Variants in ASXL1 observed in about 807,000 individuals in gnomAD.
ASXL1 encodes ASXL transcriptional regulator 1, also known as polycomb group protein ASXL1.
ASXL1 carries 65 observed loss-of-function variants against 89.1 expected under a neutral mutation model. The observed-to-expected ratio is 0.73, with a 90% CI of 0.60 to 0.90. The LOEUF is 0.90. ASXL1 is among the 40% of genes least tolerant of loss of function. ASXL1 has a pLI of 0.00. For missense variants in ASXL1, 1,786 were observed against 1,942.9 expected (o/e 0.92, Z 1.52); for synonymous variants, 739 against 746.9 (o/e 0.99, Z 0.17).
chr20:32,395,931 T>C (rs1048147566), intron 4 of ASXL1, among the ~76,000 whole-genome samples: 1 of 152,160 alleles, frequency 6.6e-6, no homozygotes. Flanking sequence ...CCCAAGTAGC[T>C]GTGATTACAG....
At chr20:32,367,077 TAAA>T (rs11478048) in intron 2 of ASXL1, among the ~76,000 whole-genome samples, 30 of 134,854 alleles carry the variant, frequency 2.2e-4, no homozygotes, top group African/African-American at 4.1e-4. Flanking sequence ...ACTTCAAACT[TAAA>T]AAAAAAAAAA....
chr20:32,397,321 C>T (rs1292542332), intron 4 of ASXL1, among the ~76,000 whole-genome samples: 12 of 113,220 alleles, frequency 1.1e-4, no homozygotes, highest in Admixed American at 7.6e-4. Flanking sequence ...AGTCTGGTCT[C>T]GAACTCTTGA....
In ASXL1 at chr20:32,433,329, G is replaced by A. The variant is rs1434107550; in HGVS notation, c.1131G>A (p.Gln377=). 2 of 1,614,114 alleles carry A rather than the reference G, an allele frequency of 1.2e-6. No individual in the cohort carries two copies. Among genetic ancestry groups the A allele is most frequent in the Admixed American group, 1.7e-5 (1 of 60,014 alleles). The change falls in exon 12 of 13, where the codon CAG becomes CAA. Residue 377 remains glutamine (Q), a synonymous_variant. Coordinates refer to ENST00000375687, the MANE Select transcript of ASXL1 (RefSeq NM_015338.6). ...AGTCATTGCAGCAGAACGTGGGCCA[G>A]GAGGAGGCTGAAATCAAAAGTGGCT... The part of the protein sequence containing the change: ...KEESLQQNVG[Q]EEAEIKSGLC...
chr20:32,396,360 T>G (rs1173599567), intron 4 of ASXL1, among the ~76,000 whole-genome samples: 1 of 152,214 alleles, frequency 6.6e-6, no homozygotes, highest in Non-Finnish European at 1.5e-5. Context: ...ATTTTTGAGA[T>G]TTGTTCTGGA....
At chr20:32,373,069 G>T (rs1235040860) in intron 4 of ASXL1, among the ~76,000 whole-genome samples, 1 of 148,788 alleles carries the variant, frequency 6.7e-6, no homozygotes, top group Non-Finnish European at 1.5e-5. Flanking sequence ...GAGCCACCTC[G>T]TGTGTCCTTG....
chr20:32,359,090 C>T (rs565829328), intron 1 of ASXL1: 2 of 593,302 alleles, frequency 3.4e-6, no homozygotes, highest in Non-Finnish European at 6.0e-6. Context: ...GGCGAGCTGG[C>T]AGGCCGGCTC....
At chr20:32,397,040 T>C (rs1424970596) in intron 4 of ASXL1, among the ~76,000 whole-genome samples, 1 of 149,764 alleles carries the variant, frequency 6.7e-6, no homozygotes, top group Admixed American at 6.6e-5. Context: ...TTTTTTTTTT[T>C]TCCCTGTATT....
In ASXL1 at chr20:32,369,096, T is replaced by G. The variant is rs1175499490; in HGVS notation, c.225T>G (p.Pro75=). ...RGGEGLFYKL[P]GRISLFTLKK... is the part of the protein sequence containing the mutation. ...GAGAGGGGTTGTTTTATAAACTGCC[T>G]GGCCGAATCAGCCTTTTCACGCTCA... is the stretch of plus-strand genomic sequence containing the variant. Residue 75 remains proline (P), a synonymous_variant, in exon 4 of 13, where the codon CCT becomes CCG. Coordinates refer to ENST00000375687, the MANE Select transcript of ASXL1 (RefSeq NM_015338.6). 8 of 1,613,588 alleles carry G rather than the reference T, an allele frequency of 5.0e-6. No homozygotes were observed. The highest frequency in any genetic ancestry group is 1.3e-5 in the African/African-American group (1 of 75,022).
intron 4 of ASXL1, chr20:32,372,097 A>G: frequency 7.5e-7 from 1 of 1,340,596 alleles, no homozygotes; most frequent in Non-Finnish European, 9.9e-7. Context: ...GGCTCTGGGC[A>G]GAATTCTTGG....
chr20:32,369,958 A>G (rs1261222520), intron 4 of ASXL1, among the ~76,000 whole-genome samples: 2 of 151,620 alleles, frequency 1.3e-5, no homozygotes, highest in Non-Finnish European at 2.9e-5. Flanking sequence ...TGACCTTGTG[A>G]TCCGTCCGCC....
At chr20:32,369,301 C>G (rs949300304) in intron 4 of ASXL1, among the ~76,000 whole-genome samples, 178 bp downstream of exon 4, 2 of 152,082 alleles carry the variant, frequency 1.3e-5, no homozygotes, top group African/African-American at 4.8e-5. Context: ...GGCTGGAGTG[C>G]AATGGGGCGA....
chr20:32,359,009 A>G (rs2048061848), intron 1 of ASXL1, 177 bp downstream of exon 1: 4 of 685,722 alleles, frequency 5.8e-6, no homozygotes, highest in Non-Finnish European at 9.6e-6. Flanking sequence ...CTCCGCCGGG[A>G]TGGGATGTGG....
At position 32,434,605 on chromosome 20, in the gene ASXL1, C is replaced by A; in HGVS notation, c.1893C>A (p.His631Gln). The A allele has an allele frequency of 1.2e-6, 2 of 1,612,204 alleles. No homozygotes were observed. Among genetic ancestry groups the A allele is most frequent in the Non-Finnish European group, 1.7e-6 (2 of 1,179,368 alleles). ...AGGTCCGAGGGGCGAGAGGTCACCA[C>A]TGCCATAGAGAGGCGGCCACCACTG... ...ALQVRGARGH[H>Q]CHREAATTAI... Residue 631 changes from histidine to glutamine, a missense_variant, in exon 13 of 13, where the codon CAC (histidine) becomes CAA (glutamine). His to Gln is a conservative substitution (Grantham distance 24, BLOSUM62 0). Coordinates refer to ENST00000375687, the MANE Select transcript of ASXL1 (RefSeq NM_015338.6).
At chr20:32,419,841 G>A (rs2049209419) in intron 4 of ASXL1, among the ~76,000 whole-genome samples, 1 of 151,802 alleles carries the variant, frequency 6.6e-6, no homozygotes, top group South Asian at 2.1e-4. Context: ...TACCACGCCG[G>A]GCTAATTTTT....
chr20:32,434,153 A>C (rs2011636996), intron 12 of ASXL1: 3 of 725,800 alleles, frequency 4.1e-6, no homozygotes, highest in Non-Finnish European at 6.6e-6. Context: ...TGGGGTTTTA[A>C]AATCTTTTTA....
intron 4 of ASXL1, among the ~76,000 whole-genome samples, chr20:32,426,134 T>G (rs990761115): frequency 6.6e-6 from 1 of 152,274 alleles, no homozygotes; most frequent in Non-Finnish European, 1.5e-5. Flanking sequence ...GTTTAATTGA[T>G]TTGTTTTCTC....
At chr20:32,413,684 T>G (rs1200618997) in intron 4 of ASXL1, among the ~76,000 whole-genome samples, 2 of 152,220 alleles carry the variant, frequency 1.3e-5, no homozygotes, top group Admixed American at 1.3e-4. Context: ...AACTGGAAAC[T>G]CCCAGGCAAA....
At chr20:32,427,125 C>T (rs2011336174) in intron 4 of ASXL1, 1 of 152,192 alleles carries the variant, frequency 6.6e-6, no homozygotes, top group African/African-American at 2.4e-5. Context: ...CTCATCCACA[C>T]TCTTTGTAGT....
intron 8 of ASXL1, 85 bp downstream of exon 8, chr20:32,430,138 C>T: frequency 2.7e-6 from 4 of 1,480,626 alleles, no homozygotes; most frequent in Non-Finnish European, 3.6e-6. Flanking sequence ...ATTCCAATTC[C>T]TTTACCAGTT....
Sources: allele counts gnomAD v4.1 joint callset (sites outside exome capture counted in the v4.1 genomes callset), GRCh38; gene constraint gnomAD v4.1.1; transcripts MANE v1.5; gene names NCBI Gene and HGNC (gene_info 2026-07-23, HGNC 2026-07-21).